Variants in MPP3 observed in about 807,000 individuals in gnomAD.
The protein encoded by MPP3 is MAGUK p55 subfamily member 3.
MPP3 carries 48 observed loss-of-function variants against 80.7 expected under a neutral mutation model. The ratio of observed to expected loss-of-function variants is 0.59; its 90% CI spans 0.47 to 0.76. The LOEUF (loss-of-function observed/expected upper bound fraction) is 0.76, where lower values mean the gene tolerates loss of function less well. Ranked by LOEUF, MPP3 falls within the 30% of genes least tolerant of loss-of-function variation. MPP3 has a pLI of 0.00. For synonymous variants in MPP3, 311 were observed against 297.6 expected, an observed-to-expected ratio of 1.04 and a Z score of -0.46; for missense variants, 620 against 763.0, an observed-to-expected ratio of 0.81 and a Z score of 2.21.
intron 10 of MPP3, among the ~76,000 whole-genome samples, chr17:43,822,622 C>T (rs1478897334): frequency 7.1e-6 from 1 of 139,990 alleles, no homozygotes; most frequent in Non-Finnish European, 1.5e-5. Context: ...CCCTCCTCCC[C>T]GTGGCTGCCT....
chr17:43,815,444 T>A lies in MPP3; in HGVS notation c.1009+594A>T, dbSNP rs567378197. Among the ~76,000 whole-genome samples, 225 of 151,892 alleles carry A rather than the reference T, an allele frequency of 1.5e-3. 1 individual carries two copies. The highest frequency in any genetic ancestry group is 2.7e-3 in the Admixed American group (41 of 15,268). On this transcript the variant is annotated intron_variant, in intron 14 of 19. Coordinates refer to ENST00000398389, the MANE Select transcript of MPP3 (RefSeq NM_001932.6). ...CGAGACCCCATCTCTACAAAAAAAA[T>A]TTTTTTAATCAGCTGGGCATGGTGT... is the stretch of plus-strand genomic sequence containing the variant.
At chr17:43,824,147 C>A in intron 9 of MPP3, 142 bp from the exon 10 acceptor site, 1 of 547,076 alleles carries the variant, frequency 1.8e-6, no homozygotes. Context: ...TAGGATGGTG[C>A]CCTGGTTGAA....
intron 8 of MPP3, among the ~76,000 whole-genome samples, chr17:43,827,236 G>C (rs796736363): frequency 6.6e-6 from 1 of 151,254 alleles, no homozygotes; most frequent in Non-Finnish European, 1.5e-5. Flanking sequence ...GGCTGGTCTC[G>C]AACTCCCGAC....
At chr17:43,827,606 T>C (rs927979127) in intron 8 of MPP3, 145 bp downstream of exon 8, 1 of 714,228 alleles carries the variant, frequency 1.4e-6, no homozygotes, top group Admixed American at 2.6e-5. Context: ...AGATGAGAAT[T>C]CCAGCCACAA....
intron 9 of MPP3, among the ~76,000 whole-genome samples, chr17:43,824,609 C>T (rs547759427): frequency 9.2e-5 from 14 of 152,182 alleles, no homozygotes; most frequent in African/African-American, 3.1e-4. Context: ...GACAGCAGGG[C>T]CCAAAAGATC....
At chr17:43,832,077 T>C in intron 2 of MPP3, 134 bp from the exon 3 acceptor site, 1 of 670,246 alleles carries the variant, frequency 1.5e-6, no homozygotes, top group Non-Finnish European at 2.7e-6. Flanking sequence ...CTCTGCTTAC[T>C]TTTTTCAGAG....
In MPP3 at chr17:43,821,045, G is replaced by A; in HGVS notation, c.698C>T (p.Ala233Val). Residue 233 changes from alanine to valine, a missense_variant, in exon 11 of 20, where the codon GCC becomes GTC. Transcript: ENST00000398389. ...CTCCCGAGGGTTGTAGTGGAAGAGG[G>A]CGCGCATGAACACCTGCACAAGGAG... is the stretch of plus-strand genomic sequence containing the variant. Reference protein sequence around the residue: ...RLKESKVFMRALFHYNPREDR... With the variant: ...RLKESKVFMRVLFHYNPREDR... The A allele has an allele frequency of 6.2e-7, 1 of 1,613,854 alleles. No individual in the cohort carries two copies. Among genetic ancestry groups the A allele is most frequent in the Non-Finnish European group, 8.5e-7 (1 of 1,179,890 alleles).
intron 10 of MPP3, 39 bp downstream of exon 10, chr17:43,823,892 C>G: frequency 6.7e-7 from 1 of 1,496,258 alleles, no homozygotes; most frequent in Non-Finnish European, 9.2e-7. Context: ...CTGCATCTCT[C>G]AAGCTGAGAG....
chr17:43,819,002 G>A (rs942637548), intron 11 of MPP3: 1 of 151,978 alleles, frequency 6.6e-6, no homozygotes, highest in Non-Finnish European at 1.5e-5. Context: ...GCCAAGACCT[G>A]TGAACCCTAA....
At chr17:43,820,794 G>T in intron 11 of MPP3, 68 bp downstream of exon 11, 1 of 1,456,058 alleles carries the variant, frequency 6.9e-7, no homozygotes, top group South Asian at 1.2e-5. Flanking sequence ...CAGAGACTTG[G>T]GGGTCTGCCA....
At chr17:43,820,781 G>T in intron 11 of MPP3, 81 bp downstream of exon 11, 1 of 1,338,114 alleles carries the variant, frequency 7.5e-7, no homozygotes, top group Non-Finnish European at 1.1e-6. Flanking sequence ...CTGGCTGTGA[G>T]GGCAGAGACT....
In MPP3 at chr17:43,814,198, G is replaced by A. The variant is rs763241576; in HGVS notation, c.1173C>T (p.Ile391=). ...PGERPRLVVL[I]GSLGARLHEL... ...CTGGAAACCCAGGATGGCACCTACC[G>A]ATCAGAACCACCAGGCGGGGCCGCT... The change falls in exon 15 of 20, where the codon ATC becomes ATT. Residue 391 remains isoleucine (I), a splice_region_variant and synonymous_variant. Coordinates refer to ENST00000398389, the MANE Select transcript of MPP3 (RefSeq NM_001932.6). The A allele has an allele frequency of 5.0e-5, 80 of 1,613,060 alleles. 1 individual carries two copies. The East Asian group carries it at 5.6e-4, about 11-fold the overall frequency.
chr17:43,832,064 T>C (rs1598376254), intron 2 of MPP3, 121 bp from the exon 3 acceptor site: 1 of 692,608 alleles, frequency 1.4e-6, no homozygotes, highest in South Asian at 1.7e-5. Context: ...TGGGAACAAA[T>C]AACTCTGCTT....
intron 19 of MPP3, among the ~76,000 whole-genome samples, chr17:43,806,505 A>G (rs990225987): frequency 6.6e-6 from 1 of 152,038 alleles, no homozygotes; most frequent in Non-Finnish European, 1.5e-5. Flanking sequence ...ACTTCAATAC[A>G]TCCTGTAAGT....
intron 19 of MPP3, among the ~76,000 whole-genome samples, chr17:43,808,459 A>T (rs2044712334): frequency 6.6e-6 from 1 of 152,366 alleles, no homozygotes; most frequent in African/African-American, 2.4e-5. Context: ...CAAAGAATCT[A>T]TGACAGTGAA....
At chr17:43,827,603 A>C (rs2045772742) in intron 8 of MPP3, 148 bp downstream of exon 8, 1 of 698,450 alleles carries the variant, frequency 1.4e-6, no homozygotes, top group African/African-American at 1.8e-5. Context: ...AGGAGATGAG[A>C]ATTCCAGCCA....
Position 43,825,885 on chromosome 17 carries a change from G to C in MPP3, c.524-44C>G. On this transcript the variant is annotated intron_variant, in intron 8 of 19. Coordinates refer to ENST00000398389, the MANE Select transcript of MPP3 (RefSeq NM_001932.6). Reference sequence around the variant, plus strand: ...GACCATCAGCACAGGAGGAGGACCTGAGCACCCCTCGCTCAGAGCTCCAAG... The same window carrying C: ...GACCATCAGCACAGGAGGAGGACCTCAGCACCCCTCGCTCAGAGCTCCAAG... 6 of 1,241,274 alleles carry C rather than the reference G, an allele frequency of 4.8e-6. No individual in the cohort carries two copies. The African/African-American group carries it at 8.8e-5, about 18-fold the overall frequency. 76.9% of individuals were successfully genotyped at this position (1,241,274 alleles called of 1,614,324 possible). A position where few individuals can be genotyped will look rare whatever the true frequency, so the allele number is the denominator to read the frequency against.
chr17:43,821,097 A>G (rs1463769050), intron 10 of MPP3, 39 bp from the exon 11 acceptor site: 3 of 1,594,732 alleles, frequency 1.9e-6, no homozygotes, highest in South Asian at 1.1e-5. Flanking sequence ...CCCTTCCCCA[A>G]GTGAGCACAG....
At chr17:43,824,388 C>T (rs1486722407) in intron 9 of MPP3, among the ~76,000 whole-genome samples, 2 of 152,144 alleles carry the variant, frequency 1.3e-5, no homozygotes. Flanking sequence ...CCTTGCTTTT[C>T]TCCTGGGTCA....
Sources: allele counts gnomAD v4.1 joint callset (sites outside exome capture counted in the v4.1 genomes callset), GRCh38; gene constraint gnomAD v4.1.1; transcripts MANE v1.5; gene names NCBI Gene and HGNC (gene_info 2026-07-23, HGNC 2026-07-21).